The following MYLIP variants were observed in gnomAD, a reference collection of about 807,000 sequenced individuals.
MYLIP encodes myosin regulatory light chain interacting protein.
A neutral mutation model predicts 45.8 loss-of-function variants in MYLIP; 26 were observed. The observed-to-expected ratio is 0.57, with a 90% CI of 0.42 to 0.79. MYLIP has a LOEUF of 0.79. MYLIP is among the 30% of genes least tolerant of loss of function. The probability of loss-of-function intolerance (pLI) is 0.00; values close to 1 mark genes in which losing one functional copy is unlikely to be tolerated. For missense variants in MYLIP, 494 were observed against 555.6 expected (o/e 0.89, Z 1.11); for synonymous variants, 213 against 218.1 (o/e 0.98, Z 0.21).
downstream of MYLIP, among the ~76,000 whole-genome samples, chr6:16,150,555 A>G (rs542151147): frequency 1.4e-4 from 22 of 152,258 alleles, no homozygotes; most frequent in South Asian, 2.9e-3. Flanking sequence ...CCTATGCACT[A>G]CAGTGGTGCA....
At chr6:16,138,753 C>T (rs577590889) in intron 2 of MYLIP, among the ~76,000 whole-genome samples, 90 of 152,116 alleles carry the variant, frequency 5.9e-4, no homozygotes, top group Non-Finnish European at 1.2e-3. Context: ...GCTTTATAGC[C>T]ATGAAACTGC....
downstream of MYLIP, among the ~76,000 whole-genome samples, chr6:16,151,336 G>A (rs562760870): frequency 7.3e-5 from 11 of 149,874 alleles, no homozygotes; most frequent in African/African-American, 2.7e-4. Flanking sequence ...TGGACTGGGC[G>A]ACAGAGTGAG....
At chr6:16,136,330 T>C (rs926390385) in intron 2 of MYLIP, among the ~76,000 whole-genome samples, 2 of 151,986 alleles carry the variant, frequency 1.3e-5, no homozygotes, top group African/African-American at 4.8e-5. Context: ...TATGGAATCT[T>C]GTGGTATGCA....
At position 16,129,119 on chromosome 6, in the gene MYLIP, G is replaced by A. The variant is rs1008356144; in HGVS notation, c.-204G>A. The A allele has an allele frequency of 2.9e-5, 17 of 577,824 alleles. No homozygotes were observed. In the East Asian group the frequency reaches 4.8e-4, roughly 16 times the overall value. The allele number at this position is 577,824 out of a possible 1,614,324, so 35.8% of individuals were successfully genotyped here. Reference sequence around the variant, plus strand: ...TGCTGGAGTGCGGCGCCACCGCGGAGGACAGGGGCAGCTGGCGGGCAGCGG... The same window carrying A: ...TGCTGGAGTGCGGCGCCACCGCGGAAGACAGGGGCAGCTGGCGGGCAGCGG... On this transcript the variant is annotated 5_prime_UTR_variant, in exon 1 of 7. Coordinates refer to ENST00000356840, the MANE Select transcript of MYLIP (RefSeq NM_013262.4). The surrounding 1 kb of genome is among the most constrained non-coding windows in gnomAD (Gnocchi z 5.1).
the MYLIP span, among the ~76,000 whole-genome samples, chr6:16,156,223 C>T: frequency 9.9e-5 from 15 of 152,200 alleles, no homozygotes; most frequent in African/African-American, 2.9e-4. Context: ...AGTCAGCATT[C>T]CAGACAGAAA....
chr6:16,158,191 T>C, the MYLIP span, among the ~76,000 whole-genome samples: 3 of 152,370 alleles, frequency 2.0e-5, no homozygotes, highest in Admixed American at 2.0e-4. Flanking sequence ...ATCCTCTTAA[T>C]TGAGCAAAAG....
rs746798313 is a variant in MYLIP at position 16,143,174 on chromosome 6, G to A, written c.619G>A (p.Glu207Lys). 1.9e-6 allele frequency: 3 copies of A among 1,614,054 alleles called. No homozygotes were observed. The highest frequency in any genetic ancestry group is 2.7e-5 in the African/African-American group (2 of 74,928). The change falls in exon 4 of 7, where the codon GAA becomes AAA. Residue 207 changes from glutamate (E) to lysine (K), a missense_variant. Coordinates refer to ENST00000356840, the MANE Select transcript of MYLIP (RefSeq NM_013262.4). ...GAAACTGCTCATTGGGGTTGGACCT[G>A]AAGGAATCTCAATTTGTAAAGATGA... ...GQKLLIGVGP[E>K]GISICKDDFS...
intron 5 of MYLIP, among the ~76,000 whole-genome samples, chr6:16,144,599 T>C (rs1759744805): frequency 6.6e-6 from 1 of 152,236 alleles, no homozygotes; most frequent in Admixed American, 6.5e-5. Context: ...TTCAGGCAGA[T>C]GCCCTTTTTC....
chr6:16,153,376 G>T, the MYLIP span, among the ~76,000 whole-genome samples: 1 of 152,150 alleles, frequency 6.6e-6, no homozygotes, highest in African/African-American at 2.4e-5. Flanking sequence ...CTTTACATCA[G>T]CGTTTCCGTT....
At position 16,141,694 on chromosome 6, in the gene MYLIP, A is replaced by G; in HGVS notation, c.348A>G (p.Ala116=). ...AGHLLCSPEQ[A]VELSALLAQT... is the part of the protein sequence containing the mutation. ...ACCTCTTGTGTTCCCCAGAGCAGGC[A>G]GTGGAACTCAGTGCCCTCCTGGCCC... The change falls in exon 3 of 7, where the codon GCA becomes GCG. Residue 116 remains alanine (A), a synonymous_variant. Transcript: ENST00000356840. 6.2e-7 allele frequency: 1 copy of G among 1,614,168 alleles called. No homozygotes were observed. The highest frequency in any genetic ancestry group is 8.5e-7 in the Non-Finnish European group (1 of 1,180,020).
chr6:16,135,216 A>G (rs1461624710), intron 2 of MYLIP, among the ~76,000 whole-genome samples: 1 of 152,204 alleles, frequency 6.6e-6, no homozygotes, highest in East Asian at 1.9e-4. Context: ...GCTGATCTAT[A>G]TTGTTGGGAA....
Position 16,143,224 on chromosome 6 carries a change from C to T in MYLIP, c.662+7C>T. ...ACTTTAGCCCAATTAATAGGTAAGC[C>T]AAGACTTAACTTTTTTTGACCTAAG... On this transcript the variant is annotated splice_region_variant and intron_variant, in intron 4 of 6. Coordinates refer to ENST00000356840, the MANE Select transcript of MYLIP (RefSeq NM_013262.4). 1 of 1,613,998 alleles carries T rather than the reference C, an allele frequency of 6.2e-7. No homozygotes were observed. The highest frequency in any genetic ancestry group is 8.5e-7 in the Non-Finnish European group (1 of 1,179,954).
At position 16,129,804 on chromosome 6, in the gene MYLIP, G is replaced by T. The variant is rs960070475; in HGVS notation, c.87+395G>T. On this transcript the variant is annotated intron_variant, in intron 1 of 6. Transcript: ENST00000356840. This position sits in a 1 kb window ranked among gnomAD's most constrained non-coding sequence, Gnocchi z 5.1. The stretch of plus-strand genomic sequence containing the variant: ...CAGTGCCACCCGCGTGCCAGGATGG[G>T]ATGGAGTGGCTCGAAGCAGTCTCGG... 2.6e-5 allele frequency among the ~76,000 whole-genome samples: 4 copies of T among 152,254 alleles called. No homozygotes were observed. Among genetic ancestry groups the T allele is most frequent in the African/African-American group, 9.6e-5 (4 of 41,478 alleles).
At position 16,133,044 on chromosome 6, in the gene MYLIP, CAGTTAACTTATT is replaced by C. The variant is rs535469108; in HGVS notation, c.278+2302_278+2313del. On this transcript the variant is annotated intron_variant, in intron 2 of 6. Transcript: ENST00000356840. ...ATTAAGGTAGCCAAGTTGGGAAGGG[CAGTTAACTTATT>C]AGTTCATATCAGATTAGGGAGGCCC... is the stretch of plus-strand genomic sequence containing the variant. 5.2e-4 allele frequency among the ~76,000 whole-genome samples: 79 copies of C among 152,242 alleles called. 1 individual carries two copies. The East Asian group carries it at 0.013, about 25-fold the overall frequency.
At chr6:16,136,999 C>T (rs1759570179) in intron 2 of MYLIP, among the ~76,000 whole-genome samples, 1 of 152,090 alleles carries the variant, frequency 6.6e-6, no homozygotes, top group Non-Finnish European at 1.5e-5. Flanking sequence ...TTTCTGATGC[C>T]TTTTATGAGT....
chr6:16,146,598 C>A, intron 6 of MYLIP, 64 bp from the exon 7 acceptor site: 1 of 1,323,586 alleles, frequency 7.6e-7, no homozygotes, highest in Middle Eastern at 2.0e-4. Flanking sequence ...GGGGTGTGCA[C>A]AGAGACACAG....
At position 16,143,684 on chromosome 6, in the gene MYLIP, C is replaced by A; in HGVS notation, c.663-15C>A. 2 of 1,612,868 alleles carry A rather than the reference C, an allele frequency of 1.2e-6. No individual in the cohort carries two copies. The highest frequency in any genetic ancestry group is 1.7e-6 in the Non-Finnish European group (2 of 1,179,256). On this transcript the variant is annotated splice_polypyrimidine_tract_variant and intron_variant, in intron 4 of 6. Transcript: ENST00000356840. ...TCCTTCTAGATCTGCTTTCTTTTCTCTTCCTGTCTCTTAGGATAGCTTATC... is the reference window on the plus strand; with the variant it reads ...TCCTTCTAGATCTGCTTTCTTTTCTATTCCTGTCTCTTAGGATAGCTTATC...
intron 2 of MYLIP, among the ~76,000 whole-genome samples, chr6:16,132,365 A>T (rs1005056767): frequency 6.6e-6 from 1 of 152,184 alleles, no homozygotes; most frequent in Non-Finnish European, 1.5e-5. Flanking sequence ...ACATTTTATG[A>T]ATTAGAACTT....
chr6:16,133,501 G>T (rs72833422), intron 2 of MYLIP, among the ~76,000 whole-genome samples: 2,439 of 152,280 alleles, frequency 0.016, 33 homozygotes, highest in Non-Finnish European at 0.027. Flanking sequence ...TTTCAGAGAT[G>T]GAGACAGCAG....
Sources: gnomAD v4.1 joint callset for allele counts (sites outside exome capture counted in the v4.1 genomes callset) on GRCh38, gnomAD v4.1.1 for gene constraint, Gnocchi (gnomAD v3.1) non-coding constraint, MANE v1.5 for transcripts, NCBI Gene and HGNC (gene_info 2026-07-23, HGNC 2026-07-21) for gene names.